APPBP2: variants seen among roughly 807,000 people sequenced by gnomAD.
APPBP2 encodes the protein amyloid protein-binding protein 2.
A neutral mutation model predicts 76.0 loss-of-function variants in APPBP2; 15 were observed. The observed-to-expected ratio is 0.20, with a 90% CI of 0.13 to 0.30. APPBP2 has a LOEUF of 0.30. Ranked by LOEUF, APPBP2 falls within the 10% of genes least tolerant of loss-of-function variation. The pLI, the probability that APPBP2 is intolerant of heterozygous loss-of-function variation, is 1.00. For synonymous variants in APPBP2, 222 were observed against 242.2 expected, an observed-to-expected ratio of 0.92 and a Z score of 0.77; for missense variants, 401 against 687.2, an observed-to-expected ratio of 0.58 and a Z score of 4.66.
At chr17:60,484,530 G>A (rs1402552914) in intron 3 of APPBP2, among the ~76,000 whole-genome samples, 1 of 152,012 alleles carries the variant, frequency 6.6e-6, no homozygotes, top group Non-Finnish European at 1.5e-5. Flanking sequence ...CTGTTTATGT[G>A]TTATTGGTGC....
intron 4 of APPBP2, among the ~76,000 whole-genome samples, chr17:60,470,703 G>C (rs1301170009): frequency 1.3e-5 from 2 of 151,760 alleles, no homozygotes; most frequent in African/African-American, 4.8e-5. Context: ...TCAGCCTCCA[G>C]AGTAGCTTGG....
intron 1 of APPBP2, among the ~76,000 whole-genome samples, chr17:60,506,543 T>TA (rs1454758792): frequency 6.6e-6 from 1 of 152,230 alleles, no homozygotes; most frequent in South Asian, 2.1e-4. Context: ...TATGTCCTGT[T>TA]AAACTTTCTC....
At chr17:60,487,150 G>C (rs2090686423) in intron 3 of APPBP2, among the ~76,000 whole-genome samples, 1 of 151,926 alleles carries the variant, frequency 6.6e-6, no homozygotes, top group South Asian at 2.1e-4. Context: ...TTTTATCTTG[G>C]GGAATCTGAC....
intron 1 of APPBP2, chr17:60,513,207 G>T: frequency 2.6e-6 from 1 of 377,766 alleles, no homozygotes; most frequent in Non-Finnish European, 4.9e-6. Flanking sequence ...GCGGCCAAGA[G>T]GGCGAGCATT....
At chr17:60,460,414 C>A (rs1322960955) in intron 9 of APPBP2, 1 of 225,592 alleles carries the variant, frequency 4.4e-6, no homozygotes, top group African/African-American at 2.3e-5. Flanking sequence ...TGGGCTCAAG[C>A]AATCTTTCCA....
At chr17:60,483,941 T>C (rs1212603663) in intron 3 of APPBP2, among the ~76,000 whole-genome samples, 1 of 151,948 alleles carries the variant, frequency 6.6e-6, no homozygotes, top group African/African-American at 2.4e-5. Flanking sequence ...TTCAGCTTTC[T>C]ACCTACGGCT....
At chr17:60,494,346 G>T in intron 3 of APPBP2, 120 bp downstream of exon 3, 2 of 1,049,824 alleles carry the variant, frequency 1.9e-6, no homozygotes, top group Non-Finnish European at 2.8e-6. Context: ...AAGTGGTTCT[G>T]ATGTTCTTCT....
In APPBP2 at chr17:60,464,386, G is replaced by C. The variant is rs1402505409; in HGVS notation, c.673-276C>G. Reference sequence around the variant, plus strand: ...TGTTCTCTCTTGCCCAGAAGCCTTTGCACATACTGTTCCCTCTGCCTTAAA... The same window carrying C: ...TGTTCTCTCTTGCCCAGAAGCCTTTCCACATACTGTTCCCTCTGCCTTAAA... On this transcript the variant is annotated intron_variant, in intron 5 of 12. Coordinates refer to ENST00000083182, the MANE Select transcript of APPBP2 (RefSeq NM_006380.5). 3.3e-5 allele frequency among the ~76,000 whole-genome samples: 5 copies of C among 152,248 alleles called. No homozygotes were observed. In the East Asian group the frequency reaches 9.6e-4, roughly 29 times the overall value.
rs778540934 is a variant in APPBP2, at chr17:60,454,469, T to G, written c.1171A>C (p.Ile391Leu). 1 of 1,602,848 alleles carries G rather than the reference T, an allele frequency of 6.2e-7. No individual in the cohort carries two copies. The highest frequency in any genetic ancestry group is 8.5e-7 in the Non-Finnish European group (1 of 1,176,188). Reference sequence around the variant, plus strand: ...TCAGTTTCCTTATTATGACAATCAATTGCAATCTCCTCTAAAATAAGTGCT... The same window carrying G: ...TCAGTTTCCTTATTATGACAATCAAGTGCAATCTCCTCTAAAATAAGTGCT... ...VKALILEEIA[I>L]DCHNKETEQR... is the part of the protein sequence containing the mutation. The change falls in exon 11 of 13, where the codon ATT (isoleucine) becomes CTT (leucine). Residue 391 changes from isoleucine (I) to leucine (L), a missense_variant. Physicochemically the swap from Ile to Leu is conservative, Grantham distance 5 (BLOSUM62 2). Around this residue, in one of 5 missense-constraint regions of APPBP2, gnomAD observed 130 missense variants for 322.7 expected, o/e 0.40. Coordinates refer to ENST00000083182, the MANE Select transcript of APPBP2 (RefSeq NM_006380.5).
At chr17:60,514,018 AAC>A (rs2090942776) in intron 1 of APPBP2, among the ~76,000 whole-genome samples, 1 of 147,568 alleles carries the variant, frequency 6.8e-6, no homozygotes, top group African/African-American at 2.6e-5. Flanking sequence ...AAAAAAAAAA[AAC>A]ACAGCCAGGC....
In APPBP2 at chr17:60,446,403, G is replaced by C. The variant is rs772994697; in HGVS notation, c.*1178C>G. 5 of 152,162 alleles carry C rather than the reference G, an allele frequency of 3.3e-5. No individual in the cohort carries two copies. The highest frequency in any genetic ancestry group is 5.9e-5 in the Non-Finnish European group (4 of 68,014). The allele number at this position is 152,162 out of a possible 1,614,324, so 9.4% of individuals were successfully genotyped here. On this transcript the variant is annotated 3_prime_UTR_variant, in exon 13 of 13. Coordinates refer to ENST00000083182, the MANE Select transcript of APPBP2 (RefSeq NM_006380.5). ...GTATTATTAGGGGATCTTTCCATTT[G>C]ACTCCTAGATTTCAAATGAAATGAC...
chr17:60,490,869 G>A (rs1413610770), intron 3 of APPBP2, among the ~76,000 whole-genome samples: 1 of 152,164 alleles, frequency 6.6e-6, no homozygotes, highest in East Asian at 1.9e-4. Flanking sequence ...CACCATGATT[G>A]TGAGGCCTCC....
intron 1 of APPBP2, among the ~76,000 whole-genome samples, chr17:60,517,204 T>G (rs868392180): frequency 1.2e-4 from 19 of 152,306 alleles, no homozygotes; most frequent in South Asian, 2.1e-4. Flanking sequence ...CTTGAACTCC[T>G]GACCTCAGGT....
intron 1 of APPBP2, among the ~76,000 whole-genome samples, chr17:60,511,220 G>A (rs1032088185): frequency 2.0e-5 from 3 of 152,170 alleles, no homozygotes; most frequent in Non-Finnish European, 4.4e-5. Context: ...TCTTCTTGAA[G>A]TTTCACTACC....
In APPBP2 at chr17:60,503,784, C is replaced by T. The variant is rs998932246; in HGVS notation, c.139-3297G>A. 3.4e-5 allele frequency among the ~76,000 whole-genome samples: 5 copies of T among 146,672 alleles called. 1 individual carries two copies. Among genetic ancestry groups the T allele is most frequent in the African/African-American group, 1.4e-4 (5 of 36,178 alleles). On this transcript the variant is annotated intron_variant, in intron 1 of 12. Transcript: ENST00000083182. ...TATGTGTCAGGCACTGTTGTCAGTG[C>T]TTTTCATAAATTATTCATTTTATCC... is the stretch of plus-strand genomic sequence containing the variant.
chr17:60,465,142 G>C (rs1341520694), intron 5 of APPBP2: 1 of 151,084 alleles, frequency 6.6e-6, no homozygotes, highest in Non-Finnish European at 1.5e-5. Context: ...AGAGCCGGCA[G>C]TACTTCTCCA....
chr17:60,493,274 C>G (rs1347732887), intron 3 of APPBP2, among the ~76,000 whole-genome samples: 1 of 152,120 alleles, frequency 6.6e-6, no homozygotes, highest in Non-Finnish European at 1.5e-5. Flanking sequence ...AATTGTGCCA[C>G]TGCACTCTAG....
chr17:60,483,902 T>C (rs868794009), intron 3 of APPBP2, among the ~76,000 whole-genome samples: 7 of 152,256 alleles, frequency 4.6e-5, no homozygotes, highest in South Asian at 4.1e-4. Flanking sequence ...GAATTAATTT[T>C]TGTATAACGT....
intron 4 of APPBP2, among the ~76,000 whole-genome samples, chr17:60,476,252 T>C (rs1419842654): frequency 6.6e-6 from 1 of 152,250 alleles, no homozygotes; most frequent in East Asian, 1.9e-4. Flanking sequence ...CTTTGTTGTA[T>C]AATGTTTTGA....
Sources: gnomAD v4.1 joint callset for allele counts (sites outside exome capture counted in the v4.1 genomes callset) on GRCh38, gnomAD v4.1.1 for gene constraint, gnomAD v4.1.1 regional missense constraint, MANE v1.5 for transcripts, NCBI Gene and HGNC (gene_info 2026-07-23, HGNC 2026-07-21) for gene names.